Variants in CRY1 observed in about 807,000 individuals in gnomAD.
The protein encoded by CRY1 is cryptochrome-1.
A neutral mutation model predicts 76.0 loss-of-function variants in CRY1; 45 were observed. The ratio of observed to expected loss-of-function variants is 0.59; its 90% CI spans 0.47 to 0.76. The LOEUF (loss-of-function observed/expected upper bound fraction) is 0.76, where lower values mean the gene tolerates loss of function less well. CRY1 is among the 30% of genes least tolerant of loss of function. The pLI is 0.00. For missense variants in CRY1, 587 were observed against 716.4 expected, an observed-to-expected ratio of 0.82 and a Z score of 2.06; for synonymous variants, 248 against 244.0, an observed-to-expected ratio of 1.02 and a Z score of -0.15.
intron 1 of CRY1, among the ~76,000 whole-genome samples, chr12:107,060,036 TC>T (rs544030583): frequency 6.7e-4 from 102 of 152,338 alleles, no homozygotes; most frequent in African/African-American, 2.4e-3. Flanking sequence ...TCAGTTGTAG[TC>T]CCCATCCATG....
chr12:107,055,408 G>A (rs1952971082), intron 1 of CRY1, among the ~76,000 whole-genome samples: 1 of 152,020 alleles, frequency 6.6e-6, no homozygotes, highest in Admixed American at 6.6e-5. Flanking sequence ...AACTACAGTA[G>A]CAATTAGAGG....
At chr12:107,071,902 A>T (rs1953194188) in intron 1 of CRY1, among the ~76,000 whole-genome samples, 1 of 152,214 alleles carries the variant, frequency 6.6e-6, no homozygotes, top group Non-Finnish European at 1.5e-5. Context: ...ACCTAGAATA[A>T]CCAATAAACA....
chr12:107,085,872 T>G (rs544836878), intron 1 of CRY1, among the ~76,000 whole-genome samples: 10 of 151,484 alleles, frequency 6.6e-5, no homozygotes, highest in Non-Finnish European at 1.3e-4. Flanking sequence ...CTTAGAGAAC[T>G]CAAAACAAAA....
chr12:107,010,231 C>T (rs1952428048), intron 2 of CRY1, among the ~76,000 whole-genome samples: 1 of 152,114 alleles, frequency 6.6e-6, no homozygotes. Flanking sequence ...TGTCCTCTTT[C>T]TTATTCCTGA....
In CRY1 at chr12:107,069,256, G is replaced by C. The variant is rs1162501409; in HGVS notation, c.158+23548C>G. Among the ~76,000 whole-genome samples, 14 of 144,900 alleles carry C rather than the reference G, an allele frequency of 9.7e-5. No homozygotes were observed. In the East Asian group the frequency reaches 2.4e-3, roughly 25 times the overall value. Reference sequence around the variant, plus strand: ...TTTTTTTTTTTTGAGATGGAGTCTTGCTCTGTCATCCAGGCTGGAGTGCAG... The same window carrying C: ...TTTTTTTTTTTTGAGATGGAGTCTTCCTCTGTCATCCAGGCTGGAGTGCAG... On this transcript the variant is annotated intron_variant, in intron 1 of 12. Coordinates refer to ENST00000008527, the MANE Select transcript of CRY1 (RefSeq NM_004075.5).
At chr12:107,083,725 A>G (rs747517006) in intron 1 of CRY1, among the ~76,000 whole-genome samples, 2 of 152,252 alleles carry the variant, frequency 1.3e-5, no homozygotes, top group Non-Finnish European at 2.9e-5. Flanking sequence ...ACAAACCCAT[A>G]GCCAATATCA....
chr12:107,023,227 T>G (rs1482890801), intron 1 of CRY1, among the ~76,000 whole-genome samples: 1 of 152,176 alleles, frequency 6.6e-6, no homozygotes, highest in Non-Finnish European at 1.5e-5. Flanking sequence ...CTCTTACTTG[T>G]GAAGAGGAGT....
chr12:107,028,774 G>A (rs1041984095), intron 1 of CRY1, among the ~76,000 whole-genome samples: 10 of 152,026 alleles, frequency 6.6e-5, no homozygotes, highest in Admixed American at 1.3e-4. Context: ...TGTTACTGGC[G>A]ACTCAAACAT....
At chr12:107,019,449 A>T (rs980544248) in intron 2 of CRY1, among the ~76,000 whole-genome samples, 2 of 152,212 alleles carry the variant, frequency 1.3e-5, no homozygotes, top group African/African-American at 4.8e-5. Context: ...TTTGTATATT[A>T]GGGCCCATGT....
chr12:107,029,200 T>C (rs1952649836), intron 1 of CRY1, among the ~76,000 whole-genome samples: 1 of 152,038 alleles, frequency 6.6e-6, no homozygotes. Flanking sequence ...CTATGGCACC[T>C]AGAGACAACT....
At chr12:107,042,256 C>T (rs1454693226) in intron 1 of CRY1, among the ~76,000 whole-genome samples, 3 of 152,034 alleles carry the variant, frequency 2.0e-5, no homozygotes, top group Non-Finnish European at 4.4e-5. Flanking sequence ...ATAATTCAGG[C>T]AAGATCTACT....
chr12:107,079,985 A>G (rs1378233670), intron 1 of CRY1, among the ~76,000 whole-genome samples: 1 of 152,164 alleles, frequency 6.6e-6, no homozygotes, highest in East Asian at 1.9e-4. Flanking sequence ...TAAGCTACCC[A>G]AACAACCTAG....
chr12:107,047,608 C>T (rs1402787860), intron 1 of CRY1, among the ~76,000 whole-genome samples: 3 of 152,124 alleles, frequency 2.0e-5, no homozygotes, highest in Admixed American at 2.0e-4. Context: ...CTTTGCTTGG[C>T]ACTCATTTTC....
At chr12:107,067,381 A>C (rs1215839534) in intron 1 of CRY1, among the ~76,000 whole-genome samples, 2 of 152,172 alleles carry the variant, frequency 1.3e-5, no homozygotes, top group Non-Finnish European at 2.9e-5. Context: ...ACACAAGAGA[A>C]TTTTATATAT....
At chr12:107,083,518 G>A (rs1953354231) in intron 1 of CRY1, among the ~76,000 whole-genome samples, 1 of 152,180 alleles carries the variant, frequency 6.6e-6, no homozygotes, top group Non-Finnish European at 1.5e-5. Context: ...TCATCCCTGG[G>A]ATGTAAGGCT....
At chr12:106,994,757 T>TC (rs1298924931) in intron 10 of CRY1, among the ~76,000 whole-genome samples, 1 of 152,200 alleles carries the variant, frequency 6.6e-6, no homozygotes, top group Non-Finnish European at 1.5e-5. Context: ...AACCCTTGGT[T>TC]CCTAGCCCAT....
intron 12 of CRY1, 192 bp from the exon 13 acceptor site, chr12:106,992,193 G>A (rs1952187125): frequency 6.6e-6 from 1 of 152,036 alleles, no homozygotes; most frequent in African/African-American, 2.4e-5. Context: ...TTTAAAAACT[G>A]GCAAATCCAA....
chr12:107,028,942 A>G (rs888484875), intron 1 of CRY1, among the ~76,000 whole-genome samples: 3 of 152,222 alleles, frequency 2.0e-5, no homozygotes, highest in Non-Finnish European at 2.9e-5. Context: ...AAATTGTGTA[A>G]AAAATACCTA....
intron 1 of CRY1, among the ~76,000 whole-genome samples, chr12:107,048,812 G>T (rs1952880060): frequency 6.6e-6 from 1 of 152,030 alleles, no homozygotes. Context: ...TTCAATTTTT[G>T]AAAATATTAA....
Sources: gnomAD v4.1 joint callset for allele counts (sites outside exome capture counted in the v4.1 genomes callset) on GRCh38, gnomAD v4.1.1 for gene constraint, MANE v1.5 for transcripts, NCBI Gene and HGNC (gene_info 2026-07-23, HGNC 2026-07-21) for gene names.